Variants in EFNA5 observed in about 807,000 individuals in gnomAD.
EFNA5 encodes ephrin-A5.
In EFNA5, 5 loss-of-function variants were observed where a neutral mutation model predicts 22.9. That is an observed-to-expected ratio of 0.22 (90% CI 0.11 to 0.46). The LOEUF (loss-of-function observed/expected upper bound fraction) is 0.46, where lower values mean the gene tolerates loss of function less well. EFNA5 is among the 20% of genes least tolerant of loss of function. EFNA5 has a pLI of 0.99. For missense variants in EFNA5, 237 were observed against 293.3 expected (o/e 0.81, Z 1.40); for synonymous variants, 113 against 112.2 (o/e 1.01, Z -0.04).
intron 1 of EFNA5, among the ~76,000 whole-genome samples, chr5:107,516,033 C>T (rs1747468845): frequency 6.6e-6 from 1 of 152,174 alleles, no homozygotes; most frequent in African/African-American, 2.4e-5. Context: ...GAGACACAGT[C>T]TCACACTGTC....
At chr5:107,480,519 C>T (rs567886696) in intron 1 of EFNA5, among the ~76,000 whole-genome samples, 35 of 152,282 alleles carry the variant, frequency 2.3e-4, no homozygotes, top group Non-Finnish European at 4.7e-4. Context: ...ATACGTAAAG[C>T]GCTGGCCTAG....
intron 1 of EFNA5, among the ~76,000 whole-genome samples, chr5:107,513,136 C>G (rs1476969695): frequency 1.3e-5 from 2 of 152,142 alleles, no homozygotes; most frequent in Non-Finnish European, 2.9e-5. Flanking sequence ...GCCTCTGTAG[C>G]TTTGTTTCAG....
At chr5:107,482,023 A>T (rs1750479852) in intron 1 of EFNA5, among the ~76,000 whole-genome samples, 1 of 151,980 alleles carries the variant, frequency 6.6e-6, no homozygotes, top group Admixed American at 6.6e-5. Context: ...ATAAAAATAA[A>T]TGCTGGCTGG....
At chr5:107,626,528 A>T (rs1750144548) in intron 1 of EFNA5, among the ~76,000 whole-genome samples, 1 of 151,778 alleles carries the variant, frequency 6.6e-6, no homozygotes, top group Admixed American at 6.6e-5. Flanking sequence ...CAATCCTCCC[A>T]CCTCACCTCC....
At chr5:107,645,119 C>G (rs1386300639) in intron 1 of EFNA5, among the ~76,000 whole-genome samples, 1 of 152,128 alleles carries the variant, frequency 6.6e-6, no homozygotes, top group Non-Finnish European at 1.5e-5. Flanking sequence ...GGTATTAAGC[C>G]CCACATGCAT....
intron 1 of EFNA5, among the ~76,000 whole-genome samples, chr5:107,617,243 G>C (rs964529690): frequency 2.5e-4 from 37 of 146,384 alleles, no homozygotes; most frequent in Middle Eastern, 3.5e-3. Flanking sequence ...CACACAGAGA[G>C]AGAGAGAGAG....
chr5:107,453,946 AGTGT>A lies in EFNA5; in HGVS notation c.126-26441_126-26438del, dbSNP rs5870261. On this transcript the variant is annotated intron_variant, in intron 1 of 4. Transcript: ENST00000333274. Reference sequence around the variant, plus strand: ...CAAAAATGCAAACTGAAGGAGTGTGAGTGTGTGTGTGTGTGTGTGTATGTGTGTG... The same window carrying A: ...CAAAAATGCAAACTGAAGGAGTGTGAGTGTGTGTGTGTGTGTATGTGTGTG... Among the ~76,000 whole-genome samples the A allele has an allele frequency of 2.9e-3, 433 of 149,284 alleles. 4 individuals carry two copies. Among genetic ancestry groups the A allele is most frequent in the African/African-American group, 9.8e-3 (394 of 40,064 alleles).
chr5:107,600,646 C>T (rs886973430), intron 1 of EFNA5, among the ~76,000 whole-genome samples: 4 of 151,860 alleles, frequency 2.6e-5, no homozygotes, highest in African/African-American at 9.7e-5. Context: ...ACCACCATGC[C>T]CCCTTAATTT....
chr5:107,417,640 A>T (rs752445151), intron 2 of EFNA5, among the ~76,000 whole-genome samples: 63 of 152,170 alleles, frequency 4.1e-4, no homozygotes, highest in Admixed American at 3.9e-4. Flanking sequence ...TGGACCATAA[A>T]TCTCAAGTTT....
chr5:107,661,860 A>G (rs1750967126), intron 1 of EFNA5, among the ~76,000 whole-genome samples: 1 of 152,184 alleles, frequency 6.6e-6, no homozygotes, highest in South Asian at 2.1e-4. Context: ...AATTTGCACT[A>G]TAATTATCCA....
chr5:107,563,568 C>CTG (rs34426291), intron 1 of EFNA5, among the ~76,000 whole-genome samples: 55,906 of 151,756 alleles, frequency 0.37, 10,711 homozygotes, highest in South Asian at 0.49. Flanking sequence ...TCCTAAGTAG[C>CTG]TGGGACAACA....
chr5:107,601,207 GGGA>G (rs1433221426), intron 1 of EFNA5, among the ~76,000 whole-genome samples: 1 of 152,206 alleles, frequency 6.6e-6, no homozygotes, highest in Non-Finnish European at 1.5e-5. Flanking sequence ...TATGTTCCAA[GGGA>G]GGAGATCTTT....
rs1313967595 is a variant in EFNA5, at chr5:107,670,384, GGGTGCGCGCCGCCAGCGGTT to G, written c.125+85_125+104del. 5.4e-5 allele frequency: 75 copies of G among 1,384,550 alleles called. No homozygotes were observed. In the East Asian group the frequency reaches 2.0e-3, roughly 36 times the overall value. 85.8% of individuals were successfully genotyped at this position (1,384,550 alleles called of 1,614,324 possible). On this transcript the variant is annotated intron_variant, in intron 1 of 4. Transcript: ENST00000333274. ...AGCGCCCGGGCGACGCAGGCTCCGA[GGGTGCGCGCCGCCAGCGGTT>G]GGTGCGCGCCGATCCCCGCCGCCGC...
chr5:107,600,725 T>G (rs568060737), intron 1 of EFNA5, among the ~76,000 whole-genome samples: 1 of 152,212 alleles, frequency 6.6e-6, no homozygotes, highest in Admixed American at 6.5e-5. Context: ...TGACCTCAAG[T>G]GATCCACCCG....
intron 1 of EFNA5, among the ~76,000 whole-genome samples, chr5:107,606,630 A>G (rs1009007791): frequency 2.6e-5 from 4 of 151,876 alleles, no homozygotes; most frequent in Admixed American, 2.0e-4. Context: ...GCCACATATT[A>G]GCTGTACGAC....
intron 1 of EFNA5, among the ~76,000 whole-genome samples, chr5:107,447,533 T>C (rs1443429101): frequency 6.6e-6 from 1 of 152,120 alleles, no homozygotes; most frequent in Admixed American, 6.5e-5. Flanking sequence ...GACAGTCTAG[T>C]GGGGAAGGCA....
chr5:107,554,499 A>G (rs1463210534), intron 1 of EFNA5, among the ~76,000 whole-genome samples: 1 of 152,206 alleles, frequency 6.6e-6, no homozygotes, highest in African/African-American at 2.4e-5. Flanking sequence ...TAAAACAAAA[A>G]CATACCAATA....
At chr5:107,562,269 C>T (rs1748564685) in intron 1 of EFNA5, among the ~76,000 whole-genome samples, 1 of 152,054 alleles carries the variant, frequency 6.6e-6, no homozygotes, top group South Asian at 2.1e-4. Context: ...AAATTAATAC[C>T]AGTGAAGTGA....
chr5:107,565,787 A>G (rs79199034), intron 1 of EFNA5, among the ~76,000 whole-genome samples: 2,545 of 152,344 alleles, frequency 0.017, 68 homozygotes, highest in African/African-American at 0.058. Context: ...AAAGTTCTAT[A>G]AATCACAAAA....
Sources: allele counts gnomAD v4.1 joint callset (sites outside exome capture counted in the v4.1 genomes callset), GRCh38; gene constraint gnomAD v4.1.1; transcripts MANE v1.5; gene names NCBI Gene and HGNC (gene_info 2026-07-23, HGNC 2026-07-21).